Variants in KIF25 observed in about 807,000 individuals in gnomAD.
KIF25 encodes the protein kinesin family member 25.
KIF25 carries 19 observed loss-of-function variants against 32.9 expected under a neutral mutation model. That is an observed-to-expected ratio of 0.58 (90% CI 0.40 to 0.85). The LOEUF (loss-of-function observed/expected upper bound fraction) is 0.85, where lower values mean the gene tolerates loss of function less well. Ranked by LOEUF, KIF25 falls within the 40% of genes least tolerant of loss-of-function variation. The probability of loss-of-function intolerance (pLI) is 0.00; values close to 1 mark genes in which losing one functional copy is unlikely to be tolerated. For synonymous variants in KIF25, 225 were observed against 213.7 expected (o/e 1.05, Z -0.46); for missense variants, 485 against 507.0 (o/e 0.96, Z 0.42).
intron 6 of KIF25, 180 bp from the exon 7 acceptor site, chr6:168,030,593 C>T: frequency 2.4e-6 from 1 of 421,424 alleles, no homozygotes; most frequent in South Asian, 3.7e-5. Flanking sequence ...ACTATCTTTA[C>T]TCTTTATTAA....
rs529892870 is a variant in KIF25, at chr6:168,044,716, G to A, written c.986-111G>A. On this transcript the variant is annotated intron_variant, in intron 12 of 12. Transcript: ENST00000643607. ...GACGTGGCCACTTTCCCGCTGGGGC[G>A]CCGGGCGGCCCTCTCTGCAGCCGCC... The A allele has an allele frequency of 7.5e-5, 85 of 1,134,882 alleles. 2 individuals are homozygous for A. The South Asian group carries it at 9.9e-4, about 13-fold the overall frequency. 70.3% of individuals were successfully genotyped at this position (1,134,882 alleles called of 1,614,324 possible). A position where few individuals can be genotyped will look rare whatever the true frequency, so the allele number is the denominator to read the frequency against.
chr6:168,029,481 A>T lies in KIF25; in HGVS notation c.-94-11A>T. ...AATACTGTTACGTTTTCAAGTCATG[A>T]TCCTTTACAGATATACTGGCCTTCC... On this transcript the variant is annotated splice_polypyrimidine_tract_variant and intron_variant, in intron 5 of 12. Coordinates refer to ENST00000643607, the MANE Select transcript of KIF25 (RefSeq NM_030615.4). 6.6e-6 allele frequency: 10 copies of T among 1,516,854 alleles called. No individual in the cohort carries two copies. The highest frequency in any genetic ancestry group is 8.8e-6 in the Non-Finnish European group (10 of 1,132,102). 94.0% of individuals were successfully genotyped at this position (1,516,854 alleles called of 1,614,324 possible).
chr6:168,022,897 G>A (rs1221688880), intron 5 of KIF25, among the ~76,000 whole-genome samples: 1 of 151,452 alleles, frequency 6.6e-6, no homozygotes, highest in Non-Finnish European at 1.5e-5. Context: ...TTTGTGGTTT[G>A]TGATTTCTCT....
intron 8 of KIF25, among the ~76,000 whole-genome samples, 164 bp from the exon 9 acceptor site, chr6:168,038,389 C>T (rs570020030): frequency 6.6e-6 from 1 of 152,174 alleles, no homozygotes; most frequent in East Asian, 1.9e-4. Flanking sequence ...AAATGGCACA[C>T]CCTATTTCCC....
chr6:168,033,405 CAGG>C (rs1377934552), intron 7 of KIF25, among the ~76,000 whole-genome samples: 1 of 150,662 alleles, frequency 6.6e-6, no homozygotes, highest in Non-Finnish European at 1.5e-5. Flanking sequence ...GAGGCTTAGG[CAGG>C]AGAATTGCTT....
At chr6:168,025,257 G>A (rs542725876) in intron 5 of KIF25, among the ~76,000 whole-genome samples, 11 of 152,252 alleles carry the variant, frequency 7.2e-5, no homozygotes, top group Non-Finnish European at 1.0e-4. Context: ...TGTCTCCTTC[G>A]TGATGAATTC....
intron 4 of KIF25, among the ~76,000 whole-genome samples, chr6:168,016,774 A>G (rs1798720297): frequency 6.6e-6 from 1 of 152,222 alleles, no homozygotes; most frequent in Non-Finnish European, 1.5e-5. Flanking sequence ...CTGGAGGCAG[A>G]GGCCAGTTAG....
At chr6:168,011,994 T>A (rs1798653768) in intron 4 of KIF25, among the ~76,000 whole-genome samples, 1 of 152,182 alleles carries the variant, frequency 6.6e-6, no homozygotes, top group South Asian at 2.1e-4. Flanking sequence ...ATTTCTCTAT[T>A]ATATCATATA....
At chr6:168,024,564 G>C (rs1010514414) in intron 5 of KIF25, among the ~76,000 whole-genome samples, 1 of 151,742 alleles carries the variant, frequency 6.6e-6, no homozygotes, top group African/African-American at 2.4e-5. Flanking sequence ...GGGATGGGAG[G>C]CTTGGGAGAT....
intron 5 of KIF25, among the ~76,000 whole-genome samples, chr6:168,023,299 G>C (rs932590384): frequency 3.1e-5 from 3 of 95,474 alleles, no homozygotes; most frequent in African/African-American, 1.2e-4. Flanking sequence ...GAGGAGTCTT[G>C]TTCTGTTGCC....
At chr6:168,029,955 A>G (rs992052969) in intron 6 of KIF25, among the ~76,000 whole-genome samples, 2 of 152,144 alleles carry the variant, frequency 1.3e-5, no homozygotes, top group African/African-American at 2.4e-5. Context: ...CACACTTGAA[A>G]ATGAAGGAAG....
Position 168,044,953 on chromosome 6 carries a change from A to C in KIF25, c.1112A>C (p.Lys371Thr). 1 of 1,610,290 alleles carries C rather than the reference A, an allele frequency of 6.2e-7. No homozygotes were observed. The highest frequency in any genetic ancestry group is 8.5e-7 in the Non-Finnish European group (1 of 1,177,168). The part of the protein sequence containing the change: ...RQVQRGPARK[K>T]PPSSQTEGKR... The stretch of plus-strand genomic sequence containing the variant: ...GTCCAGCGAGGCCCTGCCCGAAAGA[A>C]GCCGCCCAGCTCCCAAACGGAGGGG... The change falls in exon 13 of 13, where the codon AAG becomes ACG. Residue 371 changes from lysine (K) to threonine (T), a missense_variant. Transcript: ENST00000643607.
At chr6:168,042,822 G>A (rs1799148900) in intron 12 of KIF25, 106 bp downstream of exon 12, 3 of 1,321,864 alleles carry the variant, frequency 2.3e-6, no homozygotes, top group Middle Eastern at 2.1e-4. Context: ...TGCACCCCCT[G>A]CACCTCCTGT....
rs1000603281 is a variant in KIF25, at chr6:167,997,718, A to G, written c.-1751A>G. Among the ~76,000 whole-genome samples the G allele has an allele frequency of 3.4e-4, 51 of 152,060 alleles. 1 individual carries two copies. The highest frequency in any genetic ancestry group is 1.2e-3 in the African/African-American group (48 of 41,370). ...GGTATGAGACCTGAGATCCCATGAA[A>G]TTTAATGTAAAGTCTCAGGGTTTGA... On this transcript the variant is annotated 5_prime_UTR_variant, in exon 1 of 13. Transcript: ENST00000643607.
At chr6:168,032,302 C>T (rs909751506) in intron 7 of KIF25, among the ~76,000 whole-genome samples, 12 of 152,290 alleles carry the variant, frequency 7.9e-5, no homozygotes, top group South Asian at 2.1e-4. Context: ...CTTCCTTCTC[C>T]GGGAAGTTTC....
rs1002610075 is a variant in KIF25 at position 168,001,335 on chromosome 6, T to C, written c.-369-1208T>C. Among the ~76,000 whole-genome samples the C allele has an allele frequency of 4.6e-5, 7 of 152,220 alleles. 1 individual carries two copies. Among genetic ancestry groups the C allele is most frequent in the Admixed American group, 1.3e-4 (2 of 15,292 alleles). The stretch of plus-strand genomic sequence containing the variant: ...TTTTGGAGCATTTTGGATTTCAGGT[T>C]TTTGGATGAGGGATGCTCAGCCTGT... On this transcript the variant is annotated intron_variant, in intron 2 of 12. Coordinates refer to ENST00000643607, the MANE Select transcript of KIF25 (RefSeq NM_030615.4).
Position 168,018,692 on chromosome 6 carries a change from T to C in KIF25, c.-95+652T>C, listed in dbSNP as rs558223430. On this transcript the variant is annotated intron_variant, in intron 5 of 12. Transcript: ENST00000643607. ...AGAGCCCCGGAAGGCTCAGAATCAA[T>C]GCGCGTGGCCTTTGGAAAGCCCTGC... Among the ~76,000 whole-genome samples the C allele has an allele frequency of 2.6e-5, 4 of 152,304 alleles. No homozygotes were observed. The East Asian group carries it at 5.8e-4, about 22-fold the overall frequency.
intron 4 of KIF25, among the ~76,000 whole-genome samples, chr6:168,015,052 A>C (rs971247429): frequency 1.3e-5 from 2 of 152,238 alleles, no homozygotes; most frequent in Non-Finnish European, 2.9e-5. Flanking sequence ...CACCTGAGAC[A>C]AAATTTTTAA....
intron 4 of KIF25, among the ~76,000 whole-genome samples, chr6:168,009,573 A>G (rs1167585878): frequency 3.3e-5 from 5 of 152,126 alleles, no homozygotes; most frequent in Admixed American, 3.3e-4. Flanking sequence ...TATCCCGGTT[A>G]TGCTGGCCTT....
Sources: gnomAD v4.1 joint callset for allele counts (sites outside exome capture counted in the v4.1 genomes callset) on GRCh38, gnomAD v4.1.1 for gene constraint, MANE v1.5 for transcripts, NCBI Gene and HGNC (gene_info 2026-07-23, HGNC 2026-07-21) for gene names.